FAM20C: variants seen among roughly 807,000 people sequenced by gnomAD.
FAM20C encodes the protein extracellular serine/threonine protein kinase FAM20C.
Under a neutral mutation model 51.5 loss-of-function variants are expected in FAM20C, and 40 were observed. The observed-to-expected ratio is 0.78, with a 90% CI of 0.60 to 1.01. The LOEUF (loss-of-function observed/expected upper bound fraction) is 1.01, where lower values mean the gene tolerates loss of function less well. Ranked by LOEUF, FAM20C falls within the 50% of genes least tolerant of loss-of-function variation. The probability of loss-of-function intolerance (pLI) is 0.00; values close to 1 mark genes in which losing one functional copy is unlikely to be tolerated. For synonymous variants in FAM20C, 406 were observed against 380.6 expected (o/e 1.07, Z -0.78); for missense variants, 861 against 844.7 (o/e 1.02, Z -0.24).
At chr7:241,731 G>A (rs1040407557) in intron 3 of FAM20C, among the ~76,000 whole-genome samples, 3 of 151,960 alleles carry the variant, frequency 2.0e-5, no homozygotes, top group Non-Finnish European at 4.4e-5. Context: ...CACTGTGAGC[G>A]CCCGTGTGTG....
At chr7:229,382 C>G (rs1215473004) in intron 3 of FAM20C, 1 of 165,458 alleles carries the variant, frequency 6.0e-6, no homozygotes, top group African/African-American at 2.4e-5. Flanking sequence ...CTGACTCACA[C>G]ATGGCCGCTG....
rs554187594 is a variant in FAM20C, at chr7:209,307, C to T, written c.863+331C>T. Among the ~76,000 whole-genome samples, 5 of 152,298 alleles carry T rather than the reference C, an allele frequency of 3.3e-5. 1 individual carries two copies. The highest frequency in any genetic ancestry group is 9.6e-5 in the African/African-American group (4 of 41,548). On this transcript the variant is annotated intron_variant, in intron 3 of 9. Transcript: ENST00000313766. ...ATGCCTCTCTGGAAGAGGTGACGTC[C>T]GCACCTTCCCAGCAGGCCTCCGGAG...
intron 3 of FAM20C, among the ~76,000 whole-genome samples, chr7:227,126 T>A (rs1366130753): frequency 6.6e-6 from 1 of 152,130 alleles, no homozygotes; most frequent in African/African-American, 2.4e-5. Flanking sequence ...GAAAGTCATT[T>A]TTTTTTTCCA....
chr7:200,002 CT>C (rs1192233896), intron 2 of FAM20C, among the ~76,000 whole-genome samples: 2 of 152,204 alleles, frequency 1.3e-5, no homozygotes, highest in Non-Finnish European at 2.9e-5. Context: ...GACCAAAGTT[CT>C]TGACACTGAT....
chr7:231,992 C>G (rs1787708793), intron 3 of FAM20C, among the ~76,000 whole-genome samples: 1 of 152,210 alleles, frequency 6.6e-6, no homozygotes, highest in Non-Finnish European at 1.5e-5. Context: ...CTGTTGGTCT[C>G]TGCCGCCGAC....
intron 3 of FAM20C, 112 bp downstream of exon 3, chr7:209,088 C>A: frequency 1.9e-6 from 2 of 1,052,230 alleles, no homozygotes; most frequent in Non-Finnish European, 2.8e-6. Context: ...TTTGGGGAGA[C>A]TGTGGGTGAC....
intron 3 of FAM20C, among the ~76,000 whole-genome samples, chr7:216,672 A>AGG (rs1786990290): frequency 9.6e-6 from 1 of 104,698 alleles, no homozygotes; most frequent in Admixed American, 1.0e-4. Context: ...TGAGAGACAG[A>AGG]GTGTGTGTGA....
At chr7:254,266 G>A (rs529390293) in intron 5 of FAM20C, among the ~76,000 whole-genome samples, 9 of 152,322 alleles carry the variant, frequency 5.9e-5, no homozygotes, top group East Asian at 1.9e-4. Context: ...GCGCCCTGCC[G>A]AACCTGCCTT....
chr7:222,282 G>A (rs986276006), intron 3 of FAM20C, among the ~76,000 whole-genome samples: 2 of 152,154 alleles, frequency 1.3e-5, no homozygotes, highest in African/African-American at 4.8e-5. Context: ...GTGAGAGTCA[G>A]GGCAGGCCTG....
intron 3 of FAM20C, among the ~76,000 whole-genome samples, chr7:245,727 G>GC (rs1373069184): frequency 1.3e-5 from 2 of 152,170 alleles, no homozygotes; most frequent in African/African-American, 4.8e-5. Context: ...CTGCGGCTAG[G>GC]CTCCCCTTCC....
intron 4 of FAM20C, among the ~76,000 whole-genome samples, chr7:247,171 C>T (rs1247387699): frequency 6.6e-6 from 1 of 152,210 alleles, no homozygotes; most frequent in Non-Finnish European, 1.5e-5. Flanking sequence ...GCCCCACGGT[C>T]GCCTGTCTCC....
chr7:224,057 G>T (rs866712325), intron 3 of FAM20C, among the ~76,000 whole-genome samples: 1 of 134,944 alleles, frequency 7.4e-6, no homozygotes, highest in Non-Finnish European at 1.7e-5. Context: ...CTCTCATTGC[G>T]CAGAATGGCA....
At chr7:234,135 C>T (rs938602633) in intron 3 of FAM20C, among the ~76,000 whole-genome samples, 10 of 152,368 alleles carry the variant, frequency 6.6e-5, no homozygotes, top group South Asian at 2.1e-4. Context: ...GGAGGCGTGA[C>T]GCCTGTGGGG....
At chr7:229,740 G>A (rs1003685035) in intron 3 of FAM20C, among the ~76,000 whole-genome samples, 1 of 152,178 alleles carries the variant, frequency 6.6e-6, no homozygotes, top group African/African-American at 2.4e-5. Flanking sequence ...GAGCTCTGCC[G>A]GCTGAAAGCC....
intron 8 of FAM20C, among the ~76,000 whole-genome samples, chr7:258,177 C>T (rs1482753378): frequency 5.4e-4 from 50 of 92,664 alleles, no homozygotes; most frequent in African/African-American, 2.0e-3. Flanking sequence ...GGACCCACTG[C>T]CTGAGGTGCT....
intron 5 of FAM20C, among the ~76,000 whole-genome samples, chr7:252,286 A>G (rs896401459): frequency 2.1e-5 from 3 of 144,030 alleles, no homozygotes; most frequent in African/African-American, 5.1e-5. Context: ...AGCCCACTGT[A>G]GACACCCCCT....
At position 193,597 on chromosome 7, in the gene FAM20C, A is replaced by T; in HGVS notation, c.398A>T (p.Asp133Val). The T allele has an allele frequency of 6.5e-7, 1 of 1,534,692 alleles. No homozygotes were observed. Among genetic ancestry groups the T allele is most frequent in the Non-Finnish European group, 8.8e-7 (1 of 1,141,242 alleles). Residue 133 changes from aspartate (D) to valine (V), a missense_variant, in exon 1 of 10, where the codon GAC becomes GTC. Physicochemically the swap from Asp to Val is radical, Grantham distance 152 (BLOSUM62 -3). Coordinates refer to ENST00000313766, the MANE Select transcript of FAM20C (RefSeq NM_020223.4). ...GATCCCGGCGCCCTAAGACCCCACG[A>T]CCCCGCGCACCGGCCGCTGCTGCGA... is the stretch of plus-strand genomic sequence containing the variant. ...GRDPGALRPHDPAHRPLLRDP... is the reference protein window; with the variant it reads ...GRDPGALRPHVPAHRPLLRDP...
intron 4 of FAM20C, among the ~76,000 whole-genome samples, chr7:247,092 T>A (rs1233738494): frequency 6.6e-6 from 1 of 152,176 alleles, no homozygotes; most frequent in Admixed American, 6.5e-5. Flanking sequence ...GAGCACAGGC[T>A]TCTCTGGGAG....
At chr7:258,468 G>C (rs1473306302) in intron 8 of FAM20C, among the ~76,000 whole-genome samples, 178 bp from the exon 9 acceptor site, 4 of 141,690 alleles carry the variant, frequency 2.8e-5, no homozygotes, top group Admixed American at 1.4e-4. Flanking sequence ...CCCACTGCCT[G>C]GGGTGCTGGA....
Sources: allele counts gnomAD v4.1 joint callset (sites outside exome capture counted in the v4.1 genomes callset), GRCh38; gene constraint gnomAD v4.1.1; transcripts MANE v1.5; gene names NCBI Gene and HGNC (gene_info 2026-07-23, HGNC 2026-07-21).